The following OXNAD1 variants were observed in gnomAD, a reference collection of about 807,000 sequenced individuals.
The protein encoded by OXNAD1 is oxidoreductase NAD binding domain containing 1.
Under a neutral mutation model 32.9 loss-of-function variants are expected in OXNAD1, and 34 were observed. The observed-to-expected ratio is 1.03, with a 90% CI of 0.79 to 1.38. The LOEUF is 1.38. Among genes scored for constraint, OXNAD1 ranks in the 40% most tolerant of loss-of-function variants. OXNAD1 has a pLI of 0.00. For missense variants in OXNAD1, 407 were observed against 379.4 expected (o/e 1.07, Z -0.60); for synonymous variants, 134 against 135.2 (o/e 0.99, Z 0.06).
At chr3:16,278,848 T>C (rs1032818698) in intron 4 of OXNAD1, among the ~76,000 whole-genome samples, 40 of 152,282 alleles carry the variant, frequency 2.6e-4, no homozygotes, top group African/African-American at 9.1e-4. Flanking sequence ...GGTGCTGATT[T>C]TCCAATGCTT....
Position 16,314,315 on chromosome 3 carries a change from T to C in OXNAD1, c.*30+10723T>C, listed in dbSNP as rs2068183371. The C allele has an allele frequency of 6.6e-6, 1 of 152,158 alleles. No homozygotes were observed. The highest frequency in any genetic ancestry group is 6.5e-5 in the Admixed American group (1 of 15,280). The allele number at this position is 152,158 out of a possible 1,614,324, so 9.4% of individuals were successfully genotyped here. ...CCACTTGAAATGTACATGCAGGATG[T>C]TGAGAATGGATTTTAGGGCCTTTAT... On this transcript the variant is annotated intron_variant, in intron 9 of 9. Coordinates refer to the OXNAD1 transcript ENST00000435829. The surrounding 1 kb of genome is among the most constrained non-coding windows in gnomAD (Gnocchi z 4.4).
In OXNAD1 at chr3:16,271,144, G is replaced by A; in HGVS notation, c.119+73G>A. On this transcript the variant is annotated intron_variant, in intron 3 of 8. Transcript: ENST00000285083. The surrounding 1 kb of genome is among the most constrained non-coding windows in gnomAD (Gnocchi z 4.6). Reference sequence around the variant, plus strand: ...ACCCGACCTGCTGATGGTTGTGGGAGGCATATCAAACTCCCGGAAAGGTAA... The same window carrying A: ...ACCCGACCTGCTGATGGTTGTGGGAAGCATATCAAACTCCCGGAAAGGTAA... 6.5e-7 allele frequency: 1 copy of A among 1,546,000 alleles called. No homozygotes were observed. Among genetic ancestry groups the A allele is most frequent in the South Asian group, 1.2e-5 (1 of 85,030 alleles).
chr3:16,291,967 G>C (rs1365899550), intron 5 of OXNAD1, among the ~76,000 whole-genome samples: 4 of 152,018 alleles, frequency 2.6e-5, no homozygotes, highest in Admixed American at 2.0e-4. Flanking sequence ...GACTTACATT[G>C]CCCTAATGAC....
rs535427320 is a variant in OXNAD1, at chr3:16,319,670, T to C, written c.*30+16078T>C. ...GGATGCCTGGCCACATCCAGTTTCC[T>C]GTAGAAGATCACATCTTGTTGATCT... On this transcript the variant is annotated intron_variant, in intron 9 of 9. Transcript: ENST00000435829. Among the ~76,000 whole-genome samples the C allele has an allele frequency of 1.1e-3, 167 of 152,338 alleles. 1 individual carries two copies. The highest frequency in any genetic ancestry group is 3.8e-3 in the African/African-American group (160 of 41,570).
At position 16,316,110 on chromosome 3, in the gene OXNAD1, G is replaced by A. The variant is rs2068364429; in HGVS notation, c.*30+12518G>A. 1.3e-5 allele frequency: 2 copies of A among 152,856 alleles called. No individual in the cohort carries two copies. Among genetic ancestry groups the A allele is most frequent in the Non-Finnish European group, 2.9e-5 (2 of 68,200 alleles). The allele number at this position is 152,856 out of a possible 1,614,324, so 9.5% of individuals were successfully genotyped here. Reference sequence around the variant, plus strand: ...GATGCCCTGAAGTGACAGAAGTAATGTGGTTTGTATGATGTGCTGAGTACA... The same window carrying A: ...GATGCCCTGAAGTGACAGAAGTAATATGGTTTGTATGATGTGCTGAGTACA... On this transcript the variant is annotated intron_variant, in intron 9 of 9. Transcript: ENST00000435829. The surrounding 1 kb of genome is among the most constrained non-coding windows in gnomAD (Gnocchi z 4.5).
At chr3:16,326,344 C>CTCAGCTGCAAAATGGG (rs1355520957) in intron 9 of OXNAD1, among the ~76,000 whole-genome samples, 1 of 152,250 alleles carries the variant, frequency 6.6e-6, no homozygotes, top group East Asian at 1.9e-4. Flanking sequence ...CTACACTTTC[C>CTCAGCTGCAAAATGGG]TCAGCTGCAA....
chr3:16,320,175 G>GT lies in OXNAD1; in HGVS notation c.*30+16586dup, dbSNP rs2068884832. On this transcript the variant is annotated intron_variant, in intron 9 of 9. Coordinates refer to the OXNAD1 transcript ENST00000435829. This position sits in a 1 kb window ranked among gnomAD's most constrained non-coding sequence, Gnocchi z 4.5. ...GCCCATGATGTGTCCACTTCAAGTA[G>GT]TTTAGCTGGAAGGAAGTCTTCCCGA... Among the ~76,000 whole-genome samples, 1 of 152,218 alleles carries GT rather than the reference G, an allele frequency of 6.6e-6. No homozygotes were observed. Among genetic ancestry groups the GT allele is most frequent in the African/African-American group, 2.4e-5 (1 of 41,452 alleles).
Position 16,265,832 on chromosome 3 carries a change from C to T in OXNAD1, c.-159+327C>T, listed in dbSNP as rs2124943805. 2 of 981,804 alleles carry T rather than the reference C, an allele frequency of 2.0e-6. No individual in the cohort carries two copies. The highest frequency in any genetic ancestry group is 9.4e-5 in the South Asian group (2 of 21,198). 60.8% of individuals were successfully genotyped at this position (981,804 alleles called of 1,614,324 possible). A position where few individuals can be genotyped will look rare whatever the true frequency, so the allele number is the denominator to read the frequency against. ...GGGAAATAATGAAGAGCTTGTCTGTCTCCAAAGCCCAGGAACAAATTACTT... is the reference window on the plus strand; with the variant it reads ...GGGAAATAATGAAGAGCTTGTCTGTTTCCAAAGCCCAGGAACAAATTACTT... On this transcript the variant is annotated intron_variant, in intron 1 of 8. Coordinates refer to ENST00000285083, the MANE Select transcript of OXNAD1 (RefSeq NM_138381.5). The surrounding 1 kb of genome is among the most constrained non-coding windows in gnomAD (Gnocchi z 4.8).
rs922544143 is a variant in OXNAD1, at chr3:16,271,457, G to T, written c.120-202G>T. Among the ~76,000 whole-genome samples the T allele has an allele frequency of 2.6e-5, 4 of 152,138 alleles. No individual in the cohort carries two copies. The highest frequency in any genetic ancestry group is 1.3e-4 in the Admixed American group (2 of 15,282). On this transcript the variant is annotated intron_variant, in intron 3 of 8. Transcript: ENST00000285083. The surrounding 1 kb of genome is among the most constrained non-coding windows in gnomAD (Gnocchi z 4.6). Reference sequence around the variant, plus strand: ...GACGTCAGATGATCTGCCTGCCTCGGCCTCCCAAAGTGCTGAGATTACAGG... The same window carrying T: ...GACGTCAGATGATCTGCCTGCCTCGTCCTCCCAAAGTGCTGAGATTACAGG...
chr3:16,266,602 CAAAAAA>C (rs77883979), intron 1 of OXNAD1, among the ~76,000 whole-genome samples: 7 of 73,084 alleles, frequency 9.6e-5, no homozygotes, highest in African/African-American at 4.0e-4. Context: ...GACGCTGTCT[CAAAAAA>C]AAAAAAAAAA....
intron 9 of OXNAD1, among the ~76,000 whole-genome samples, chr3:16,319,943 C>A (rs186306390): frequency 1.3e-5 from 2 of 151,946 alleles, no homozygotes; most frequent in African/African-American, 4.9e-5. Flanking sequence ...ACCAGCAAGC[C>A]GCAGATAAAA....
intron 9 of OXNAD1, chr3:16,323,523 T>C: frequency 8.8e-7 from 1 of 1,141,696 alleles, no homozygotes; most frequent in Non-Finnish European, 1.3e-6. Flanking sequence ...CTGACACAGA[T>C]GTTGCCATCC....
At chr3:16,294,771 T>A in intron 5 of OXNAD1, 85 bp from the exon 6 acceptor site, 7 of 1,320,236 alleles carry the variant, frequency 5.3e-6, no homozygotes, top group African/African-American at 1.5e-5. Flanking sequence ...TTTTTCATAG[T>A]CTTGCAAAGG....
chr3:16,336,669 T>G lies in OXNAD1; in HGVS notation c.*31-443T>G, dbSNP rs1195399828. ...ATAATGTTCAAAGAGAATAATTTTT[T>G]TTTTTTAAAAAAGCTTAGTTCTTAG... On this transcript the variant is annotated intron_variant, in intron 9 of 9. Coordinates refer to the OXNAD1 transcript ENST00000435829. This position sits in a 1 kb window ranked among gnomAD's most constrained non-coding sequence, Gnocchi z 6.0. Among the ~76,000 whole-genome samples, 1 of 152,208 alleles carries G rather than the reference T, an allele frequency of 6.6e-6. No individual in the cohort carries two copies. Among genetic ancestry groups the G allele is most frequent in the Non-Finnish European group, 1.5e-5 (1 of 68,044 alleles).
intron 6 of OXNAD1, among the ~76,000 whole-genome samples, chr3:16,295,305 A>G (rs896612161): frequency 6.6e-6 from 1 of 152,202 alleles, no homozygotes; most frequent in East Asian, 1.9e-4. Flanking sequence ...TGGTAAATCT[A>G]TAAATCAGAT....
rs934998667 is a variant in OXNAD1 at position 16,312,027 on chromosome 3, G to A, written c.*30+8435G>A. On this transcript the variant is annotated intron_variant, in intron 9 of 9. Coordinates refer to the OXNAD1 transcript ENST00000435829. This position sits in a 1 kb window ranked among gnomAD's most constrained non-coding sequence, Gnocchi z 4.7. ...GCTTCCTCTGCTGGAGGGACATGCC[G>A]CTGTTGTGCAAGGGCTGGGGAAGCA... Among the ~76,000 whole-genome samples the A allele has an allele frequency of 4.6e-5, 7 of 152,164 alleles. No individual in the cohort carries two copies. Among genetic ancestry groups the A allele is most frequent in the Admixed American group, 6.5e-5 (1 of 15,280 alleles).
chr3:16,307,800 A>G (rs1192174639), downstream of OXNAD1, among the ~76,000 whole-genome samples: 1 of 152,094 alleles, frequency 6.6e-6, no homozygotes, highest in East Asian at 1.9e-4. Flanking sequence ...GGGTTCCTCT[A>G]TATCCTTCAT....
chr3:16,305,479 A>T lies in OXNAD1; in HGVS notation c.*1917A>T, dbSNP rs1025838951. The T allele has an allele frequency of 1.3e-5, 2 of 152,264 alleles. No individual in the cohort carries two copies. Among genetic ancestry groups the T allele is most frequent in the African/African-American group, 4.8e-5 (2 of 41,448 alleles). The allele number at this position is 152,264 out of a possible 1,614,324, so 9.4% of individuals were successfully genotyped here. A position where few individuals can be genotyped will look rare whatever the true frequency, so the allele number is the denominator to read the frequency against. On this transcript the variant is annotated 3_prime_UTR_variant, in exon 9 of 9. Coordinates refer to ENST00000285083, the MANE Select transcript of OXNAD1 (RefSeq NM_138381.5). The surrounding 1 kb of genome is among the most constrained non-coding windows in gnomAD (Gnocchi z 4.5). Reference sequence around the variant, plus strand: ...GTCATCACCTTTGCCTGGAGTGTTCATCCTTTCAGTGCCATTATTCTGGTG... The same window carrying T: ...GTCATCACCTTTGCCTGGAGTGTTCTTCCTTTCAGTGCCATTATTCTGGTG...
Position 16,327,253 on chromosome 3 carries a change from A to G in OXNAD1, c.*31-9859A>G, listed in dbSNP as rs1308799630. 6.6e-6 allele frequency among the ~76,000 whole-genome samples: 1 copy of G among 152,194 alleles called. No individual in the cohort carries two copies. Among genetic ancestry groups the G allele is most frequent in the Non-Finnish European group, 1.5e-5 (1 of 68,036 alleles). On this transcript the variant is annotated intron_variant, in intron 9 of 9. Coordinates refer to the OXNAD1 transcript ENST00000435829. The surrounding 1 kb of genome is among the most constrained non-coding windows in gnomAD (Gnocchi z 4.2). ...TACACGTGCTGCTCTGAATGAGTTCAGAGCGTGTTGTGGGGAGTTAACTTA... is the reference window on the plus strand; with the variant it reads ...TACACGTGCTGCTCTGAATGAGTTCGGAGCGTGTTGTGGGGAGTTAACTTA...
Sources: gnomAD v4.1 joint callset for allele counts (sites outside exome capture counted in the v4.1 genomes callset) on GRCh38, gnomAD v4.1.1 for gene constraint, Gnocchi (gnomAD v3.1) non-coding constraint, MANE v1.5 for transcripts, NCBI Gene and HGNC (gene_info 2026-07-23, HGNC 2026-07-21) for gene names.